MLF1: variants seen among roughly 807,000 people sequenced by gnomAD.
MLF1 encodes myelodysplasia-myeloid leukemia factor 1.
In MLF1, 37 loss-of-function variants were observed where a neutral mutation model predicts 38.3. The observed-to-expected ratio is 0.96, with a 90% CI of 0.74 to 1.27. MLF1 has a LOEUF of 1.27. Ranked by LOEUF, MLF1 falls within the 50% of genes most tolerant of loss-of-function variation. The pLI, the probability that MLF1 is intolerant of heterozygous loss-of-function variation, is 0.00. For missense variants in MLF1, 331 were observed against 349.2 expected (o/e 0.95, Z 0.42); for synonymous variants, 95 against 106.5 (o/e 0.89, Z 0.66).
At chr3:158,584,297 C>G (rs1356148144) in intron 1 of MLF1, among the ~76,000 whole-genome samples, 2 of 152,152 alleles carry the variant, frequency 1.3e-5, no homozygotes, top group African/African-American at 4.8e-5. Flanking sequence ...CAGAGCAGTT[C>G]AGCTAAGAAG....
chr3:158,571,804 A>T (rs1576629705), intron 1 of MLF1, among the ~76,000 whole-genome samples: 1 of 18,662 alleles, frequency 5.4e-5, no homozygotes, highest in East Asian at 1.5e-3. Context: ...GGAAGGGTTG[A>T]GGGTGTGAGG....
At position 158,585,054 on chromosome 3, in the gene MLF1, AAG is replaced by A. The variant is rs1445103475; in HGVS notation, c.48-7378_48-7377del. Among the ~76,000 whole-genome samples, 1,166 of 138,842 alleles carry A rather than the reference AAG, an allele frequency of 8.4e-3. 21 individuals are homozygous for A. Among genetic ancestry groups the A allele is most frequent in the African/African-American group, 0.021 (780 of 36,452 alleles). 91.1% of individuals were successfully genotyped at this position (138,842 alleles called of 152,430 possible). A position where few individuals can be genotyped will look rare whatever the true frequency, so the allele number is the denominator to read the frequency against. On this transcript the variant is annotated intron_variant, in intron 1 of 7. Transcript: ENST00000466246. Reference sequence around the variant, plus strand: ...CTCTGTCTGAAAAAAAAAAAAAAAAAAGAAAAAGAAAAAGAAAAATACCTTGC... The same window carrying A: ...CTCTGTCTGAAAAAAAAAAAAAAAAAAAAAAGAAAAAGAAAAATACCTTGC...
At chr3:158,595,065 C>A (rs114352123) in intron 3 of MLF1, among the ~76,000 whole-genome samples, 1 of 152,028 alleles carries the variant, frequency 6.6e-6, no homozygotes, top group Non-Finnish European at 1.5e-5. Flanking sequence ...TAGACAAAAT[C>A]GCCCTGCCCT....
chr3:158,590,643 A>T, intron 1 of MLF1: 1 of 370,214 alleles, frequency 2.7e-6, no homozygotes, highest in South Asian at 2.1e-5. Flanking sequence ...ACAAAAGATG[A>T]CATACTATGT....
chr3:158,591,138 C>T, intron 1 of MLF1: 1 of 507,486 alleles, frequency 2.0e-6, no homozygotes, highest in Non-Finnish European at 3.9e-6. Flanking sequence ...CTCCTTTGAG[C>T]TGGAGTTGCA....
chr3:158,596,754 A>G, intron 3 of MLF1, 108 bp from the exon 4 acceptor site: 5 of 613,688 alleles, frequency 8.1e-6, no homozygotes, highest in Non-Finnish European at 1.1e-5. Context: ...ACTGCATGAG[A>G]TTTCACTAAA....
chr3:158,592,312 T>C, intron 1 of MLF1, 122 bp from the exon 2 acceptor site: 1 of 763,426 alleles, frequency 1.3e-6, no homozygotes, highest in Non-Finnish European at 2.0e-6. Context: ...TAGAGTTCTC[T>C]TCTACTCTTC....
chr3:158,597,018 A>G lies in MLF1; in HGVS notation c.324+73A>G, dbSNP rs1256993354. 8 of 962,420 alleles carry G rather than the reference A, an allele frequency of 8.3e-6. No homozygotes were observed. In the Admixed American group the frequency reaches 1.8e-4, roughly 21 times the overall value. The allele number at this position is 962,420 out of a possible 1,614,324, so 59.6% of individuals were successfully genotyped here. On this transcript the variant is annotated intron_variant, in intron 4 of 7. Coordinates refer to ENST00000466246, the MANE Select transcript of MLF1 (RefSeq NM_001369783.1). ...TATTCTATTTCATAGTGGCTTTCAA[A>G]CACTTTTTTAACCATAGTGGTTAAA... is the stretch of plus-strand genomic sequence containing the variant.
chr3:158,598,867 G>C (rs1461059747), intron 5 of MLF1, among the ~76,000 whole-genome samples: 1 of 151,710 alleles, frequency 6.6e-6, no homozygotes, highest in Non-Finnish European at 1.5e-5. Context: ...TCACGTTTCT[G>C]TCATTAAAAA....
At position 158,584,809 on chromosome 3, in the gene MLF1, C is replaced by T. The variant is rs538988766; in HGVS notation, c.48-7625C>T. Reference sequence around the variant, plus strand: ...GCAAGAAGAACTGTCTTGGGCCACACGTAAAATACACTAATACTAGTGATA... The same window carrying T: ...GCAAGAAGAACTGTCTTGGGCCACATGTAAAATACACTAATACTAGTGATA... On this transcript the variant is annotated intron_variant, in intron 1 of 7. Transcript: ENST00000466246. 5.9e-5 allele frequency among the ~76,000 whole-genome samples: 9 copies of T among 151,670 alleles called. No homozygotes were observed. In the South Asian group the frequency reaches 1.3e-3, roughly 21 times the overall value.
intron 3 of MLF1, among the ~76,000 whole-genome samples, chr3:158,594,793 G>A (rs192857359): frequency 1.8e-4 from 27 of 152,270 alleles, no homozygotes; most frequent in African/African-American, 6.3e-4. Context: ...GAAGAATAAG[G>A]TAGATGGGAA....
At chr3:158,582,730 T>A in intron 1 of MLF1, 1 of 539,228 alleles carries the variant, frequency 1.9e-6, no homozygotes, top group Admixed American at 3.7e-5. Context: ...TGACCTAGAA[T>A]TCTGTATCCT....
At chr3:158,596,977 T>C in intron 4 of MLF1, 32 bp downstream of exon 4, 1 of 1,372,110 alleles carries the variant, frequency 7.3e-7, no homozygotes, top group South Asian at 1.2e-5. Context: ...TTGAGAACAT[T>C]GTGTATACTT....
intron 6 of MLF1, among the ~76,000 whole-genome samples, 156 bp from the exon 7 acceptor site, chr3:158,602,651 T>G (rs188271363): frequency 5.3e-5 from 8 of 152,320 alleles, no homozygotes; most frequent in African/African-American, 1.9e-4. Context: ...AAATACTACT[T>G]TTGTCAAAGA....
chr3:158,582,653 C>T (rs1442109069), intron 1 of MLF1: 2 of 406,110 alleles, frequency 4.9e-6, no homozygotes. Flanking sequence ...GACTTCTCTT[C>T]AGAGACCATG....
At chr3:158,600,827 GTC>G (rs201343723) in intron 6 of MLF1, among the ~76,000 whole-genome samples, 2 of 151,358 alleles carry the variant, frequency 1.3e-5, no homozygotes, top group African/African-American at 2.4e-5. Flanking sequence ...TTACATGTAT[GTC>G]TCTCTCTCTC....
chr3:158,594,522 C>A (rs758542464), intron 3 of MLF1, among the ~76,000 whole-genome samples: 18 of 152,046 alleles, frequency 1.2e-4, no homozygotes, highest in African/African-American at 4.1e-4. Context: ...TGATGACTTA[C>A]GTCAAAGTGG....
chr3:158,580,096 T>C (rs1412727151), intron 1 of MLF1, among the ~76,000 whole-genome samples: 1 of 152,168 alleles, frequency 6.6e-6, no homozygotes, highest in Non-Finnish European at 1.5e-5. Context: ...ATTTGTGCAT[T>C]TTAGAACTAC....
chr3:158,604,763 A>G (rs368316633), intron 7 of MLF1, among the ~76,000 whole-genome samples: 4 of 152,048 alleles, frequency 2.6e-5, no homozygotes, highest in South Asian at 2.1e-4. Context: ...GGTTCAGGCA[A>G]TCCTCCTGCT....
Sources: allele counts gnomAD v4.1 joint callset (sites outside exome capture counted in the v4.1 genomes callset), GRCh38; gene constraint gnomAD v4.1.1; transcripts MANE v1.5; gene names NCBI Gene and HGNC (gene_info 2026-07-23, HGNC 2026-07-21).